Variants in MTOR observed in about 807,000 individuals in gnomAD.
MTOR encodes mechanistic target of rapamycin kinase, also known as serine/threonine-protein kinase mTOR.
MTOR carries 70 observed loss-of-function variants against 319.8 expected under a neutral mutation model. The ratio of observed to expected loss-of-function variants is 0.22; its 90% confidence interval spans 0.18 to 0.27. The LOEUF is 0.27. Among genes scored for constraint, MTOR ranks in the 10% least tolerant of loss-of-function variants. MTOR has a pLI of 1.00. For synonymous variants in MTOR, 1,183 were observed against 1,211.4 expected (o/e 0.98, Z 0.49); for missense variants, 1,890 against 3,274.4 (o/e 0.58, Z 10.32).
chr1:11,246,004 A>AT (rs1648764592), intron 8 of MTOR, among the ~76,000 whole-genome samples: 1 of 152,162 alleles, frequency 6.6e-6, no homozygotes, highest in African/African-American at 2.4e-5. Flanking sequence ...GTCTTGGAGT[A>AT]TTTTTTTATA....
intron 28 of MTOR, chr1:11,189,562 C>A: frequency 1.9e-6 from 3 of 1,573,350 alleles, no homozygotes; most frequent in African/African-American, 1.4e-5. Flanking sequence ...GAGCCTTCCT[C>A]ACCCAAACCC....
At chr1:11,110,081 T>C (rs1641779720) in intron 54 of MTOR, among the ~76,000 whole-genome samples, 1 of 152,086 alleles carries the variant, frequency 6.6e-6, no homozygotes, top group African/African-American at 2.4e-5. Context: ...CTTATCAGAA[T>C]TGAAACATGG....
chr1:11,234,058 CTAGT>C, intron 14 of MTOR, 81 bp downstream of exon 14: 1 of 1,587,644 alleles, frequency 6.3e-7, no homozygotes, highest in South Asian at 1.1e-5. Flanking sequence ...GTTCAGTGTA[CTAGT>C]GAACACTGAA....
intron 19 of MTOR, among the ~76,000 whole-genome samples, chr1:11,224,038 C>CAAAAT (rs370686856): frequency 0.13 from 19,146 of 143,138 alleles, 1,506 homozygotes; most frequent in African/African-American, 0.21. Flanking sequence ...TACTCCGTCT[C>CAAAAT]AAAATAAAAT....
intron 5 of MTOR, among the ~76,000 whole-genome samples, chr1:11,254,710 TCTCA>T (rs1650137858): frequency 6.6e-6 from 1 of 152,108 alleles, no homozygotes; most frequent in African/African-American, 2.4e-5. Context: ...ATCATTTGTA[TCTCA>T]CTGATTTTGA....
At chr1:11,227,130 T>TCTA (rs903599780) in intron 19 of MTOR, among the ~76,000 whole-genome samples, 1 of 151,100 alleles carries the variant, frequency 6.6e-6, no homozygotes, top group Non-Finnish European at 1.5e-5. Flanking sequence ...AAACCCTGTC[T>TCTA]CTACTAAAAA....
At chr1:11,125,176 G>GT (rs1192609099) in intron 46 of MTOR, among the ~76,000 whole-genome samples, 1 of 152,308 alleles carries the variant, frequency 6.6e-6, no homozygotes, top group East Asian at 1.9e-4. Flanking sequence ...GTTCTGGAGT[G>GT]TGGGGGTGGG....
intron 28 of MTOR, chr1:11,195,096 G>T (rs1645734042): frequency 6.7e-7 from 1 of 1,498,062 alleles, no homozygotes; most frequent in South Asian, 1.2e-5. Context: ...ATGAGGACAG[G>T]AAGAGAGTGT....
chr1:11,122,268 A>G (rs928070307), intron 47 of MTOR, 142 bp from the exon 48 acceptor site: 12 of 1,001,388 alleles, frequency 1.2e-5, no homozygotes, highest in Non-Finnish European at 1.4e-5. Flanking sequence ...CAGTGGCACA[A>G]TCTTGGCTCA....
chr1:11,261,690 CAAG>C (rs567142241), intron 1 of MTOR, among the ~76,000 whole-genome samples: 523 of 152,044 alleles, frequency 3.4e-3, no homozygotes, highest in Admixed American at 7.1e-3. Flanking sequence ...ACTCCACTGC[CAAG>C]AAGAAGACTG....
chr1:11,189,831 G>A, intron 28 of MTOR: 1 of 1,614,210 alleles, frequency 6.2e-7, no homozygotes, highest in Non-Finnish European at 8.5e-7. Flanking sequence ...TGATGGAGCT[G>A]GAGAGCAACA....
At position 11,262,533 on chromosome 1, in the gene MTOR, T is replaced by G. The variant is rs1341089767; in HGVS notation, c.-103A>C. ...CTGCCCCACCGCCCGCCTTCCCCGC[T>G]GTCCTCTAAGCCGGGAGCGAGGGAA... On this transcript the variant is annotated 5_prime_UTR_variant, in exon 1 of 58. Transcript: ENST00000361445. 1.3e-5 allele frequency: 2 copies of G among 152,580 alleles called. No homozygotes were observed. Among genetic ancestry groups the G allele is most frequent in the Non-Finnish European group, 2.9e-5 (2 of 68,306 alleles). The allele number at this position is 152,580 out of a possible 1,614,324, so 9.5% of individuals were successfully genotyped here.
intron 34 of MTOR, among the ~76,000 whole-genome samples, chr1:11,141,965 C>T (rs914011212): frequency 6.6e-6 from 1 of 151,430 alleles, no homozygotes; most frequent in African/African-American, 2.4e-5. Flanking sequence ...CGTGCCACTG[C>T]ACTCCAGACT....
At chr1:11,229,455 G>A (rs1646948722) in intron 18 of MTOR, among the ~76,000 whole-genome samples, 1 of 152,104 alleles carries the variant, frequency 6.6e-6, no homozygotes, top group African/African-American at 2.4e-5. Context: ...AGCGAGGAGG[G>A]TAAGAACTAA....
chr1:11,236,888 G>A (rs752991660), intron 13 of MTOR, among the ~76,000 whole-genome samples: 61 of 152,112 alleles, frequency 4.0e-4, no homozygotes, highest in Non-Finnish European at 7.6e-4. Flanking sequence ...TCTAACGCAG[G>A]CCGGCAGTTA....
chr1:11,260,201 C>T (rs1650936309), intron 1 of MTOR, among the ~76,000 whole-genome samples: 1 of 152,052 alleles, frequency 6.6e-6, no homozygotes, highest in East Asian at 1.9e-4. Context: ...CCCCTTTCCT[C>T]AAGTTCAGTC....
chr1:11,231,145 C>T (rs1409998724), intron 17 of MTOR, 91 bp from the exon 18 acceptor site: 37 of 1,599,282 alleles, frequency 2.3e-5, no homozygotes, highest in Non-Finnish European at 3.1e-5. Flanking sequence ...TTACATAATC[C>T]CCAGTTCATA....
intron 15 of MTOR, chr1:11,232,829 C>A: frequency 2.0e-6 from 1 of 503,188 alleles, no homozygotes; most frequent in Non-Finnish European, 3.5e-6. Flanking sequence ...GAGCCAAGAT[C>A]ACACCACTGC....
At chr1:11,112,570 C>T (rs960516699) in intron 54 of MTOR, among the ~76,000 whole-genome samples, 1 of 152,198 alleles carries the variant, frequency 6.6e-6, no homozygotes, top group African/African-American at 2.4e-5. Flanking sequence ...GATTTACTTC[C>T]TTCATGTTCA....
Sources: allele counts gnomAD v4.1 joint callset (sites outside exome capture counted in the v4.1 genomes callset), GRCh38; gene constraint gnomAD v4.1.1; transcripts MANE v1.5; gene names NCBI Gene and HGNC (gene_info 2026-07-23, HGNC 2026-07-21).